Variants in GRM7 observed in about 807,000 individuals in gnomAD.
GRM7 encodes the protein metabotropic glutamate receptor 7.
A neutral mutation model predicts 84.5 loss-of-function variants in GRM7; 35 were observed. The observed-to-expected ratio is 0.41, with a 90% CI of 0.32 to 0.55. GRM7 has a LOEUF of 0.55. Ranked by LOEUF, GRM7 falls within the 20% of genes least tolerant of loss-of-function variation. The pLI is 0.19. For missense variants in GRM7, 1,003 were observed against 1,194.6 expected, an observed-to-expected ratio of 0.84 and a Z score of 2.36; for synonymous variants, 487 against 455.1, an observed-to-expected ratio of 1.07 and a Z score of -0.89.
intron 2 of GRM7, among the ~76,000 whole-genome samples, chr3:7,252,684 T>TTCTTTTCTTTTTTTCTTTTCGTTTTTTC (rs6147696): frequency 8.5e-6 from 1 of 118,236 alleles, no homozygotes; most frequent in Non-Finnish European, 1.7e-5. Flanking sequence ...TTCTTTTCTT[T>TTCTTTTCTTTTTTTCTTTTCGTTTTTTC]TTTTCTTTTC....
rs532522286 is a variant in GRM7 at position 7,578,401 on chromosome 3, T to G, written c.1516-21T>G. 12 of 1,515,008 alleles carry G rather than the reference T, an allele frequency of 7.9e-6. No individual in the cohort carries two copies. In the East Asian group the frequency reaches 2.3e-4, roughly 29 times the overall value. The allele number at this position is 1,515,008 out of a possible 1,614,324, so 93.8% of individuals were successfully genotyped here. A position where few individuals can be genotyped will look rare whatever the true frequency, so the allele number is the denominator to read the frequency against. On this transcript the variant is annotated intron_variant, in intron 7 of 9. Transcript: ENST00000357716. ...TCTTGAAGAATCTGCCTGATTCACC[T>G]TCTTATTTCTTATGTTACAGATAGA... is the stretch of plus-strand genomic sequence containing the variant.
chr3:7,200,857 A>T (rs535262281), intron 2 of GRM7, among the ~76,000 whole-genome samples: 1 of 152,154 alleles, frequency 6.6e-6, no homozygotes, highest in Non-Finnish European at 1.5e-5. Context: ...TTCCTTTAGT[A>T]ACCTAGTAGA....
chr3:7,006,285 A>G (rs1695181458), intron 1 of GRM7, among the ~76,000 whole-genome samples: 1 of 152,194 alleles, frequency 6.6e-6, no homozygotes, highest in South Asian at 2.1e-4. Context: ...ACTGAAACTC[A>G]GTTGATATAC....
At chr3:7,439,160 A>C (rs922529210) in intron 5 of GRM7, among the ~76,000 whole-genome samples, 1 of 152,206 alleles carries the variant, frequency 6.6e-6, no homozygotes, top group Admixed American at 6.5e-5. Context: ...AAAATTGTCC[A>C]TAGGTCTCTC....
At chr3:7,632,931 G>A (rs2125097869) in intron 8 of GRM7, among the ~76,000 whole-genome samples, 1 of 152,336 alleles carries the variant, frequency 6.6e-6, no homozygotes, top group East Asian at 1.9e-4. Flanking sequence ...AACGTATAGT[G>A]TTGATAGCCA....
chr3:7,117,374 C>T (rs753782074), intron 1 of GRM7, among the ~76,000 whole-genome samples: 1 of 152,200 alleles, frequency 6.6e-6, no homozygotes, highest in Non-Finnish European at 1.5e-5. Flanking sequence ...GCCTCCACAA[C>T]ATTCTAAACC....
chr3:7,550,571 CTCTCTCTGTGTGTGTG>C (rs1169271719), intron 7 of GRM7, among the ~76,000 whole-genome samples: 50 of 87,216 alleles, frequency 5.7e-4, no homozygotes, highest in Admixed American at 2.3e-3. Context: ...CTCTCTCTCT[CTCTCTCTGTGTGTGTG>C]TGTGTGTGTG....
chr3:7,688,888 G>T (rs1428951117), intron 9 of GRM7, among the ~76,000 whole-genome samples: 4 of 152,154 alleles, frequency 2.6e-5, no homozygotes, highest in African/African-American at 9.7e-5. Flanking sequence ...GTTTGAAAAT[G>T]CATTCTGTAA....
At chr3:7,411,277 G>T (rs1462376841) in intron 4 of GRM7, among the ~76,000 whole-genome samples, 1 of 152,078 alleles carries the variant, frequency 6.6e-6, no homozygotes, top group Non-Finnish European at 1.5e-5. Context: ...TTAGGACATG[G>T]ACATTTTTTA....
intron 2 of GRM7, among the ~76,000 whole-genome samples, chr3:7,230,908 T>C (rs1697172950): frequency 6.6e-6 from 1 of 152,164 alleles, no homozygotes; most frequent in Admixed American, 6.5e-5. Context: ...AGTGGGAAGA[T>C]AATGTTATAG....
At chr3:6,920,818 C>T (rs1336009077) in intron 1 of GRM7, among the ~76,000 whole-genome samples, 1 of 152,044 alleles carries the variant, frequency 6.6e-6, no homozygotes, top group Non-Finnish European at 1.5e-5. Flanking sequence ...TCTATATGAG[C>T]TTCTTGTATT....
intron 9 of GRM7, among the ~76,000 whole-genome samples, chr3:7,694,023 T>G (rs923269892): frequency 3.3e-5 from 5 of 152,146 alleles, no homozygotes; most frequent in Non-Finnish European, 5.9e-5. Flanking sequence ...GAGTACTGGA[T>G]TCTCAGTTTT....
At chr3:7,213,359 A>T (rs765391027) in intron 2 of GRM7, among the ~76,000 whole-genome samples, 1 of 152,188 alleles carries the variant, frequency 6.6e-6, no homozygotes, top group South Asian at 2.1e-4. Flanking sequence ...ATCTCATAAT[A>T]AGATTATTGA....
intron 5 of GRM7, among the ~76,000 whole-genome samples, chr3:7,451,076 A>G (rs79234181): frequency 0.015 from 2,347 of 152,270 alleles, 66 homozygotes; most frequent in African/African-American, 0.049. Context: ...TTGTTTCTTC[A>G]CTACACAAAT....
intron 1 of GRM7, among the ~76,000 whole-genome samples, chr3:6,987,587 G>A (rs577306172): frequency 2.1e-4 from 32 of 152,310 alleles, no homozygotes; most frequent in African/African-American, 7.2e-4. Flanking sequence ...CATTCAAGGA[G>A]CAGACAGGAA....
At chr3:7,064,479 T>TATATATATATAAAC in intron 1 of GRM7, among the ~76,000 whole-genome samples, 1 of 99,382 alleles carries the variant, frequency 1.0e-5, no homozygotes. Context: ...TATATATATA[T>TATATATATATAAAC]ACACACATAT....
At chr3:7,736,358 T>C (rs1225151693) in intron 9 of GRM7, among the ~76,000 whole-genome samples, 1 of 152,202 alleles carries the variant, frequency 6.6e-6, no homozygotes, top group African/African-American at 2.4e-5. Flanking sequence ...TATCATCTAC[T>C]GCAGCATTGC....
chr3:7,357,895 G>GA (rs896118668), intron 4 of GRM7, among the ~76,000 whole-genome samples: 11 of 150,336 alleles, frequency 7.3e-5, no homozygotes, highest in Admixed American at 1.3e-4. Flanking sequence ...TTTAGCTATG[G>GA]AAAAAAAAAC....
chr3:7,326,405 A>G (rs1432103168), intron 4 of GRM7, among the ~76,000 whole-genome samples: 2 of 151,902 alleles, frequency 1.3e-5, no homozygotes, highest in South Asian at 2.1e-4. Flanking sequence ...TGATTATAGC[A>G]TTTTTTCTTT....
Sources: allele counts gnomAD v4.1 joint callset (sites outside exome capture counted in the v4.1 genomes callset), GRCh38; gene constraint gnomAD v4.1.1; transcripts MANE v1.5; gene names NCBI Gene and HGNC (gene_info 2026-07-23, HGNC 2026-07-21).